Variants in MALRD1 observed in about 807,000 individuals in gnomAD.
The protein encoded by MALRD1 is MAM and LDL receptor class A domain containing 1.
MALRD1 carries 247 observed loss-of-function variants against 242.1 expected under a neutral mutation model. The ratio of observed to expected loss-of-function variants is 1.02; its 90% CI spans 0.92 to 1.13. The LOEUF is 1.13. MALRD1 is among the 50% of genes most tolerant of loss of function. The probability of loss-of-function intolerance (pLI) is 0.00; values close to 1 mark genes in which losing one functional copy is unlikely to be tolerated. For synonymous variants in MALRD1, 995 were observed against 866.6 expected (o/e 1.15, Z -2.60); for missense variants, 2,989 against 2,533.1 (o/e 1.18, Z -3.86).
intron 29 of MALRD1, among the ~76,000 whole-genome samples, chr10:19,464,000 C>T (rs1003646062): frequency 1.3e-5 from 2 of 152,048 alleles, no homozygotes; most frequent in Non-Finnish European, 2.9e-5. Flanking sequence ...TGTTTGTTGA[C>T]CATTTGTATA....
intron 24 of MALRD1, among the ~76,000 whole-genome samples, chr10:19,331,802 T>C (rs1843386004): frequency 6.6e-6 from 1 of 152,114 alleles, no homozygotes. Context: ...ATGTGTGTAT[T>C]AATTGGAGAT....
intron 31 of MALRD1, among the ~76,000 whole-genome samples, chr10:19,528,782 G>C (rs1432081747): frequency 6.6e-6 from 1 of 152,116 alleles, no homozygotes; most frequent in Admixed American, 6.5e-5. Flanking sequence ...ATCGTAGAAG[G>C]AAAGGTGAAC....
At position 19,595,586 on chromosome 10, in the gene MALRD1, C is replaced by T. The variant is rs1383374905; in HGVS notation, c.5944+129C>T. The stretch of plus-strand genomic sequence containing the variant: ...ATTGTATCATTAATAACACAGCTTT[C>T]AGTGTTATGTTGCAAAACAAGGCAT... On this transcript the variant is annotated intron_variant, in intron 34 of 39. Coordinates refer to ENST00000454679, the MANE Select transcript of MALRD1 (RefSeq NM_001142308.3). 5.3e-6 allele frequency: 6 copies of T among 1,123,964 alleles called. No individual in the cohort carries two copies. In the East Asian group the frequency reaches 1.6e-4, roughly 29 times the overall value. The allele number at this position is 1,123,964 out of a possible 1,614,324, so 69.6% of individuals were successfully genotyped here. A position where few individuals can be genotyped will look rare whatever the true frequency, so the allele number is the denominator to read the frequency against.
At chr10:19,076,994 T>G (rs1172105719) in intron 2 of MALRD1, among the ~76,000 whole-genome samples, 1 of 151,942 alleles carries the variant, frequency 6.6e-6, no homozygotes, top group East Asian at 1.9e-4. Flanking sequence ...AAATTTTTAT[T>G]GTACAAATCT....
intron 29 of MALRD1, among the ~76,000 whole-genome samples, chr10:19,468,511 C>T (rs1003339211): frequency 2.3e-4 from 35 of 152,090 alleles, no homozygotes; most frequent in African/African-American, 6.5e-4. Context: ...TTCCTAGATA[C>T]ATTTTCATGA....
intron 29 of MALRD1, among the ~76,000 whole-genome samples, chr10:19,467,062 G>A (rs1395374748): frequency 6.6e-6 from 1 of 151,900 alleles, no homozygotes; most frequent in African/African-American, 2.4e-5. Flanking sequence ...TTCAATTTAA[G>A]GACCTTTCTT....
intron 34 of MALRD1, among the ~76,000 whole-genome samples, chr10:19,597,013 T>G (rs1431904834): frequency 1.3e-5 from 2 of 152,196 alleles, no homozygotes; most frequent in East Asian, 3.9e-4. Context: ...AAAAGAGAGA[T>G]GACCTTGGGA....
At chr10:19,161,755 C>T (rs923228179) in intron 12 of MALRD1, among the ~76,000 whole-genome samples, 23 of 152,028 alleles carry the variant, frequency 1.5e-4, no homozygotes, top group African/African-American at 5.3e-4. Context: ...AGAGGCCAGG[C>T]GCAGTGGCTC....
At chr10:19,053,376 A>ACTTGAATC (rs1834565609) in intron 1 of MALRD1, among the ~76,000 whole-genome samples, 1 of 152,170 alleles carries the variant, frequency 6.6e-6, no homozygotes, top group Non-Finnish European at 1.5e-5. Context: ...ACAAAAAGAA[A>ACTTGAATC]CTTGAATCCG....
chr10:19,561,446 T>C (rs935812644), intron 32 of MALRD1, among the ~76,000 whole-genome samples: 19 of 152,312 alleles, frequency 1.2e-4, no homozygotes, highest in South Asian at 6.2e-4. Context: ...TAATAGTAAA[T>C]TCATTAGTAA....
chr10:19,149,779 A>G (rs1417493881), intron 11 of MALRD1, among the ~76,000 whole-genome samples: 1 of 152,186 alleles, frequency 6.6e-6, no homozygotes, highest in Non-Finnish European at 1.5e-5. Context: ...CATCACAAAA[A>G]TGAAGATATA....
chr10:19,655,258 T>A (rs1406440583), intron 36 of MALRD1, among the ~76,000 whole-genome samples: 2 of 152,094 alleles, frequency 1.3e-5, no homozygotes, highest in East Asian at 3.9e-4. Flanking sequence ...GGAGACTTTT[T>A]AAATTTCTGC....
At chr10:19,154,965 C>A in intron 11 of MALRD1, 110 bp from the exon 12 acceptor site, 2 of 517,296 alleles carry the variant, frequency 3.9e-6, no homozygotes, top group Non-Finnish European at 5.9e-6. Flanking sequence ...AAAAAATGTA[C>A]TTTTCTTTAA....
At chr10:19,205,387 TTA>T (rs35887102) in intron 17 of MALRD1, 122 bp downstream of exon 17, 362,810 of 1,182,470 alleles carry the variant, frequency 0.31, 62,298 homozygotes, top group African/African-American at 0.6. Flanking sequence ...CTGATGAATG[TTA>T]TGTGTGGTTA....
chr10:19,490,850 A>C, intron 29 of MALRD1, among the ~76,000 whole-genome samples: 1 of 152,194 alleles, frequency 6.6e-6, no homozygotes, highest in East Asian at 1.9e-4. Context: ...CATCTACAAA[A>C]AATTTGCATA....
At chr10:19,425,612 G>A (rs1247089304) in intron 28 of MALRD1, among the ~76,000 whole-genome samples, 2 of 152,164 alleles carry the variant, frequency 1.3e-5, no homozygotes, top group Non-Finnish European at 2.9e-5. Flanking sequence ...AGGGCAGAGC[G>A]AAGTGAGGGA....
intron 21 of MALRD1, among the ~76,000 whole-genome samples, chr10:19,303,693 A>G (rs1282300123): frequency 6.6e-6 from 1 of 151,744 alleles, no homozygotes; most frequent in Non-Finnish European, 1.5e-5. Flanking sequence ...TAATATATAC[A>G]AATCTTTTCA....
chr10:19,185,017 T>C (rs1191607904), intron 14 of MALRD1, among the ~76,000 whole-genome samples: 2 of 152,246 alleles, frequency 1.3e-5, no homozygotes, highest in Admixed American at 1.3e-4. Context: ...TATTTATAAG[T>C]TCCTATTTTT....
At chr10:19,652,296 T>A (rs1589362046) in intron 36 of MALRD1, among the ~76,000 whole-genome samples, 2 of 152,240 alleles carry the variant, frequency 1.3e-5, no homozygotes, top group East Asian at 3.9e-4. Context: ...AATAAATACG[T>A]GCTTACTAAA....
Sources: allele counts gnomAD v4.1 joint callset (sites outside exome capture counted in the v4.1 genomes callset), GRCh38; gene constraint gnomAD v4.1.1; transcripts MANE v1.5; gene names NCBI Gene and HGNC (gene_info 2026-07-23, HGNC 2026-07-21).